The following TMEM200A variants were observed in gnomAD, a reference collection of about 807,000 sequenced individuals.
TMEM200A encodes the protein two transmembrane C.
Under a neutral mutation model 24.3 loss-of-function variants are expected in TMEM200A, and 12 were observed. That is an observed-to-expected ratio of 0.49 (90% CI 0.32 to 0.80). The LOEUF is 0.80. Ranked by LOEUF, TMEM200A falls within the 30% of genes least tolerant of loss-of-function variation. TMEM200A has a pLI of 0.04. For missense variants in TMEM200A, 545 were observed against 614.4 expected, an observed-to-expected ratio of 0.89 and a Z score of 1.19; for synonymous variants, 224 against 224.4, an observed-to-expected ratio of 1.00 and a Z score of 0.02.
intron 1 of TMEM200A, among the ~76,000 whole-genome samples, chr6:130,370,020 T>C (rs1778282204): frequency 6.6e-6 from 1 of 152,228 alleles, no homozygotes; most frequent in South Asian, 2.1e-4. Context: ...ACTGGCTCAT[T>C]GGACCAGAAA....
intron 2 of TMEM200A, among the ~76,000 whole-genome samples, chr6:130,409,289 A>G (rs1238305522): frequency 3.9e-5 from 6 of 152,114 alleles, no homozygotes; most frequent in Non-Finnish European, 8.8e-5. Context: ...TTTAAATTTC[A>G]TTATTTATCT....
At chr6:130,438,362 A>G (rs1263632356) in intron 2 of TMEM200A, 1 of 152,176 alleles carries the variant, frequency 6.6e-6, no homozygotes, top group Non-Finnish European at 1.5e-5. Flanking sequence ...CAGAAATCAT[A>G]AATAGAAATT....
intron 2 of TMEM200A, among the ~76,000 whole-genome samples, chr6:130,423,979 A>T (rs1243575881): frequency 1.3e-5 from 2 of 152,212 alleles, no homozygotes; most frequent in Non-Finnish European, 2.9e-5. Context: ...GTTGCAAGTT[A>T]TCAAAGACAG....
intron 1 of TMEM200A, among the ~76,000 whole-genome samples, chr6:130,383,427 G>A (rs946543280): frequency 3.9e-5 from 6 of 152,142 alleles, no homozygotes; most frequent in Admixed American, 6.6e-5. Context: ...GTTTTGAAAC[G>A]TTCATGATGC....
intron 1 of TMEM200A, among the ~76,000 whole-genome samples, chr6:130,381,365 A>G (rs1778591135): frequency 6.6e-6 from 1 of 152,194 alleles, no homozygotes; most frequent in Admixed American, 6.5e-5. Flanking sequence ...CCTGCCCCTA[A>G]CAAAAAAATA....
intron 2 of TMEM200A, among the ~76,000 whole-genome samples, chr6:130,388,202 A>T (rs1190294519): frequency 6.6e-6 from 1 of 152,240 alleles, no homozygotes; most frequent in Non-Finnish European, 1.5e-5. Context: ...ATAAGGCTTG[A>T]TTAAGAAGTT....
intron 2 of TMEM200A, among the ~76,000 whole-genome samples, chr6:130,390,632 T>G (rs1778812708): frequency 6.6e-6 from 1 of 152,202 alleles, no homozygotes; most frequent in Admixed American, 6.5e-5. Context: ...GAGGGGAATG[T>G]GTTGCATATA....
At chr6:130,375,974 A>C (rs1192255751) in intron 1 of TMEM200A, among the ~76,000 whole-genome samples, 1 of 146,158 alleles carries the variant, frequency 6.8e-6, no homozygotes, top group Non-Finnish European at 1.5e-5. Context: ...AAGGGGTTTT[A>C]ATATAAATAT....
chr6:130,432,161 A>G (rs559078387), intron 2 of TMEM200A, among the ~76,000 whole-genome samples: 1 of 152,318 alleles, frequency 6.6e-6, no homozygotes, highest in East Asian at 1.9e-4. Context: ...CCCAGGCACC[A>G]TGTTCCTCTG....
chr6:130,403,476 A>G (rs780403463), intron 2 of TMEM200A, among the ~76,000 whole-genome samples: 1 of 152,168 alleles, frequency 6.6e-6, no homozygotes, highest in African/African-American at 2.4e-5. Context: ...GATTATTTAT[A>G]TAATCAGAAC....
intron 2 of TMEM200A, among the ~76,000 whole-genome samples, chr6:130,399,448 A>G (rs1275734722): frequency 1.3e-5 from 2 of 151,910 alleles, no homozygotes; most frequent in Admixed American, 1.3e-4. Flanking sequence ...CTAATTCTTT[A>G]TTCATGGCGT....
In TMEM200A at chr6:130,392,104, T is replaced by C. The variant is rs572065939; in HGVS notation, c.-17+6868T>C. The stretch of plus-strand genomic sequence containing the variant: ...GGAGTGAGAATCTTGCTTTGCTATT[T>C]AATAACCCAGTGACCTTGTACAGAT... On this transcript the variant is annotated intron_variant, in intron 2 of 2. Coordinates refer to ENST00000296978, the MANE Select transcript of TMEM200A (RefSeq NM_001258277.2). 2.0e-5 allele frequency among the ~76,000 whole-genome samples: 3 copies of C among 152,268 alleles called. No individual in the cohort carries two copies. The South Asian group carries it at 6.2e-4, about 32-fold the overall frequency.
chr6:130,392,804 C>T (rs991246621), intron 2 of TMEM200A, among the ~76,000 whole-genome samples: 1 of 152,214 alleles, frequency 6.6e-6, no homozygotes, highest in African/African-American at 2.4e-5. Context: ...ACCACAATAG[C>T]ACTTTGTGCA....
Position 130,432,125 on chromosome 6 carries a change from A to G in TMEM200A, c.-16-8282A>G, listed in dbSNP as rs73626759. Among the ~76,000 whole-genome samples the G allele has an allele frequency of 8.5e-5, 13 of 152,238 alleles. No homozygotes were observed. In the East Asian group the frequency reaches 1.2e-3, roughly 14 times the overall value. On this transcript the variant is annotated intron_variant, in intron 2 of 2. Coordinates refer to ENST00000296978, the MANE Select transcript of TMEM200A (RefSeq NM_001258277.2). ...CAGATTTTCACATTATATCACTCTT[A>G]TGGCATCTTCTGTACTCCCCATATG... is the stretch of plus-strand genomic sequence containing the variant.
chr6:130,415,517 T>G (rs1408172414), intron 2 of TMEM200A, among the ~76,000 whole-genome samples: 1 of 152,142 alleles, frequency 6.6e-6, no homozygotes, highest in Non-Finnish European at 1.5e-5. Context: ...TTACCAGTAC[T>G]TAGAGAAAGA....
chr6:130,436,771 T>C (rs1780030599), intron 2 of TMEM200A, among the ~76,000 whole-genome samples: 1 of 150,642 alleles, frequency 6.6e-6, no homozygotes, highest in Non-Finnish European at 1.5e-5. Flanking sequence ...CTCAGCCTCC[T>C]GAGTAACTGA....
At chr6:130,374,173 G>A (rs568363829) in intron 1 of TMEM200A, among the ~76,000 whole-genome samples, 3 of 152,288 alleles carry the variant, frequency 2.0e-5, no homozygotes, top group African/African-American at 4.8e-5. Flanking sequence ...GTTGATTGAT[G>A]TAGGATGAGA....
chr6:130,442,108 C>A lies in TMEM200A; in HGVS notation c.*210C>A. 2.3e-6 allele frequency: 1 copy of A among 428,164 alleles called. No homozygotes were observed. Among genetic ancestry groups the A allele is most frequent in the Non-Finnish European group, 4.2e-6 (1 of 235,598 alleles). The allele number at this position is 428,164 out of a possible 1,614,324, so 26.5% of individuals were successfully genotyped here. A position where few individuals can be genotyped will look rare whatever the true frequency, so the allele number is the denominator to read the frequency against. On this transcript the variant is annotated 3_prime_UTR_variant, in exon 3 of 3. Coordinates refer to ENST00000296978, the MANE Select transcript of TMEM200A (RefSeq NM_001258277.2). ...TGTTACCACACATGATTTTATTTTT[C>A]TCTTCCTTTGAAAGCATGATCTCTT...
chr6:130,440,500 C>T lies in TMEM200A; in HGVS notation c.78C>T (p.Val26=), dbSNP rs1007806901. 8 of 1,613,806 alleles carry T rather than the reference C, an allele frequency of 5.0e-6. No individual in the cohort carries two copies. The highest frequency in any genetic ancestry group is 3.3e-5 in the Admixed American group (2 of 59,974). Reference sequence around the variant, plus strand: ...ACTCTGCCAGATCACAGCAGCATGTCAACCTCAGCCCGTCTCCTGCTACCC... The same window carrying T: ...ACTCTGCCAGATCACAGCAGCATGTTAACCTCAGCCCGTCTCCTGCTACCC... The part of the protein sequence containing the change: ...RQDSARSQQH[V]NLSPSPATQE... Residue 26 remains valine (V), a synonymous_variant, in exon 3 of 3, where the codon GTC becomes GTT. Coordinates refer to ENST00000296978, the MANE Select transcript of TMEM200A (RefSeq NM_001258277.2).
Sources: gnomAD v4.1 joint callset for allele counts (sites outside exome capture counted in the v4.1 genomes callset) on GRCh38, gnomAD v4.1.1 for gene constraint, MANE v1.5 for transcripts, NCBI Gene and HGNC (gene_info 2026-07-23, HGNC 2026-07-21) for gene names.